BIRC6: variants seen among roughly 807,000 people sequenced by gnomAD.
The protein encoded by BIRC6 is dual E2 ubiquitin-conjugating enzyme/E3 ubiquitin-protein ligase BIRC6.
Under a neutral mutation model 503.3 loss-of-function variants are expected in BIRC6, and 98 were observed. The observed-to-expected ratio is 0.19, with a 90% CI of 0.17 to 0.23. The LOEUF (loss-of-function observed/expected upper bound fraction) is 0.23. Among genes scored for constraint, BIRC6 ranks in the 10% least tolerant of loss-of-function variants. BIRC6 has a pLI of 1.00. For missense variants in BIRC6, 5,360 were observed against 5,806.0 expected, an observed-to-expected ratio of 0.92 and a Z score of 2.50; for synonymous variants, 2,240 against 2,078.7, an observed-to-expected ratio of 1.08 and a Z score of -2.11.
At chr2:32,491,681 T>TA in intron 44 of BIRC6, 123 bp downstream of exon 44, 1 of 1,063,792 alleles carries the variant, frequency 9.4e-7, no homozygotes. Flanking sequence ...ATCAATATAA[T>TA]AAAAAAGGTT....
At chr2:32,401,965 A>G (rs1391084339) in intron 8 of BIRC6, among the ~76,000 whole-genome samples, 1 of 152,218 alleles carries the variant, frequency 6.6e-6, no homozygotes, top group Admixed American at 6.5e-5. Context: ...ATCTTTTCAT[A>G]GAGCATTCGA....
At chr2:32,529,251 T>A (rs1372414965) in intron 59 of BIRC6, 1 of 155,414 alleles carries the variant, frequency 6.4e-6, no homozygotes, top group African/African-American at 2.4e-5. Flanking sequence ...GGAATGCAGC[T>A]ATGCCCATTT....
rs533420723 is a variant in BIRC6 at position 32,566,733 on chromosome 2, A to G, written c.13145-8423A>G. Among the ~76,000 whole-genome samples, 4 of 152,188 alleles carry G rather than the reference A, an allele frequency of 2.6e-5. No homozygotes were observed. In the East Asian group the frequency reaches 5.8e-4, roughly 22 times the overall value. On this transcript the variant is annotated intron_variant, in intron 65 of 73. Coordinates refer to ENST00000421745, the MANE Select transcript of BIRC6 (RefSeq NM_016252.4). ...GATATACCTGTTTATTGAGACTATC[A>G]TCTCTGTCCTGCAGCATAGATATTT...
intron 62 of BIRC6, among the ~76,000 whole-genome samples, chr2:32,545,391 A>G (rs906386978): frequency 1.3e-5 from 2 of 152,208 alleles, no homozygotes; most frequent in African/African-American, 2.4e-5. Context: ...GACATAATCT[A>G]TAGCTATGAT....
chr2:32,503,075 C>T lies in BIRC6; in HGVS notation c.9338C>T (p.Thr3113Ile). ...GVQLICNNMVTSTRAIVNTAR... is the reference protein window; with the variant it reads ...GVQLICNNMVISTRAIVNTAR... Reference sequence around the variant, plus strand: ...CAGCTCATATGCAATAATATGGTTACTAGTACAAGGGCTATTGTGAACACT... The same window carrying T: ...CAGCTCATATGCAATAATATGGTTATTAGTACAAGGGCTATTGTGAACACT... Residue 3113 changes from threonine to isoleucine, a missense_variant, in exon 49 of 74, where the codon ACT becomes ATT. Thr to Ile is a moderately conservative substitution (Grantham distance 89). Coordinates refer to ENST00000421745, the MANE Select transcript of BIRC6 (RefSeq NM_016252.4). 2 of 1,606,530 alleles carry T rather than the reference C, an allele frequency of 1.2e-6. No homozygotes were observed. Among genetic ancestry groups the T allele is most frequent in the Non-Finnish European group, 1.7e-6 (2 of 1,176,468 alleles).
intron 22 of BIRC6, among the ~76,000 whole-genome samples, chr2:32,450,138 C>T (rs1230499931): frequency 6.6e-6 from 1 of 152,130 alleles, no homozygotes; most frequent in African/African-American, 2.4e-5. Context: ...CTGAGGTCAT[C>T]AAGTTTGCAA....
chr2:32,485,874 C>A, intron 40 of BIRC6, 115 bp downstream of exon 40: 1 of 667,896 alleles, frequency 1.5e-6, no homozygotes, highest in Non-Finnish European at 2.6e-6. Flanking sequence ...TCTGAGGGGA[C>A]TTAGTATGTA....
chr2:32,396,300 C>G (rs909523952), intron 6 of BIRC6, among the ~76,000 whole-genome samples: 19 of 152,118 alleles, frequency 1.2e-4, no homozygotes, highest in Middle Eastern at 3.4e-3. Flanking sequence ...AGTTACTATC[C>G]CATTTTAAAA....
intron 61 of BIRC6, among the ~76,000 whole-genome samples, chr2:32,536,889 A>G (rs1172884517): frequency 6.6e-6 from 1 of 152,140 alleles, no homozygotes; most frequent in Non-Finnish European, 1.5e-5. Context: ...CTTCCTACCC[A>G]TGAGCATGGA....
intron 10 of BIRC6, among the ~76,000 whole-genome samples, chr2:32,425,005 A>C (rs1034109189): frequency 6.6e-6 from 1 of 152,038 alleles, no homozygotes; most frequent in African/African-American, 2.4e-5. Flanking sequence ...CCTAATGATT[A>C]GTGATGTTGA....
chr2:32,401,898 A>G (rs536871574), intron 8 of BIRC6, among the ~76,000 whole-genome samples: 52 of 152,338 alleles, frequency 3.4e-4, no homozygotes, highest in African/African-American at 1.2e-3. Context: ...TGAAAAGTCA[A>G]CATTGGAAAG....
intron 70 of BIRC6, among the ~76,000 whole-genome samples, chr2:32,601,916 A>C (rs1321269851): frequency 6.6e-6 from 1 of 152,202 alleles, no homozygotes; most frequent in Non-Finnish European, 1.5e-5. Flanking sequence ...AGTATATTGC[A>C]ACTAGTTGAA....
rs373274536 is a variant in BIRC6 at position 32,461,343 on chromosome 2, AGTGTGTGTGT to A, written c.4754-1820_4754-1811del. Among the ~76,000 whole-genome samples the A allele has an allele frequency of 4.7e-4, 62 of 132,132 alleles. No individual in the cohort carries two copies. In the South Asian group the frequency reaches 5.0e-3, roughly 11 times the overall value. The allele number at this position is 132,132 out of a possible 152,430, so 86.7% of individuals were successfully genotyped here. A position where few individuals can be genotyped will look rare whatever the true frequency, so the allele number is the denominator to read the frequency against. ...GAGGCTTGTGCCACCATGCCTGGCTAGTGTGTGTGTGTGTGTGTGTGTGTGTGTGTGTGTG... is the reference window on the plus strand; with the variant it reads ...GAGGCTTGTGCCACCATGCCTGGCTAGTGTGTGTGTGTGTGTGTGTGTGTG... On this transcript the variant is annotated intron_variant, in intron 23 of 73. Coordinates refer to ENST00000421745, the MANE Select transcript of BIRC6 (RefSeq NM_016252.4).
At chr2:32,570,067 A>T (rs941198452) in intron 65 of BIRC6, among the ~76,000 whole-genome samples, 2 of 152,132 alleles carry the variant, frequency 1.3e-5, no homozygotes, top group Admixed American at 6.5e-5. Flanking sequence ...GGTTTTTCAT[A>T]TATGGCCTTT....
chr2:32,378,204 ATC>A (rs1278302922), intron 2 of BIRC6, among the ~76,000 whole-genome samples: 3 of 152,018 alleles, frequency 2.0e-5, no homozygotes, highest in Non-Finnish European at 4.4e-5. Context: ...GCACTCTGGC[ATC>A]TCTCTCTTCT....
At chr2:32,471,820 T>G (rs2049144002) in intron 32 of BIRC6, among the ~76,000 whole-genome samples, 1 of 152,158 alleles carries the variant, frequency 6.6e-6, no homozygotes, top group Non-Finnish European at 1.5e-5. Flanking sequence ...ATGTAGTATG[T>G]AAGCCATTGA....
chr2:32,417,668 A>T (rs1574065265), intron 10 of BIRC6, among the ~76,000 whole-genome samples: 1 of 152,172 alleles, frequency 6.6e-6, no homozygotes, highest in African/African-American at 2.4e-5. Flanking sequence ...TAGTAATTAG[A>T]CTGTTTTTCC....
At chr2:32,579,722 A>G (rs2060537761) in intron 66 of BIRC6, among the ~76,000 whole-genome samples, 1 of 152,254 alleles carries the variant, frequency 6.6e-6, no homozygotes, top group South Asian at 2.1e-4. Context: ...AAAATAAAAA[A>G]GAAAGCTGGA....
rs146805396 is a variant in BIRC6, at chr2:32,531,360, G to A, written c.12100G>A (p.Gly4034Arg). 1 of 1,609,712 alleles carries A rather than the reference G, an allele frequency of 6.2e-7. No homozygotes were observed. The highest frequency in any genetic ancestry group is 8.5e-7 in the Non-Finnish European group (1 of 1,177,388). ...YKRLHPEKDH[G>R]DLLASCPEDE... is the part of the protein sequence containing the mutation. ...ATTTGTAATTTATTGTCTAGATCAT[G>A]GAGACTTACTTGCTAGCTGTCCAGA... is the stretch of plus-strand genomic sequence containing the variant. Residue 4034 changes from glycine to arginine, a missense_variant, in exon 61 of 74, where the codon GGA becomes AGA. Physicochemically the swap from Gly to Arg is moderately radical, Grantham distance 125. Around this residue, in one of 16 missense-constraint regions of BIRC6, gnomAD observed 878 missense variants for 928.9 expected, o/e 0.95. Coordinates refer to ENST00000421745, the MANE Select transcript of BIRC6 (RefSeq NM_016252.4).
Sources: allele counts gnomAD v4.1 joint callset (sites outside exome capture counted in the v4.1 genomes callset), GRCh38; gene constraint gnomAD v4.1.1; regional missense constraint gnomAD v4.1.1; transcripts MANE v1.5; gene names NCBI Gene and HGNC (gene_info 2026-07-23, HGNC 2026-07-21).